The following SMIM31 variants were observed in gnomAD, a reference collection of about 807,000 sequenced individuals.
The protein encoded by SMIM31 is human epithelial cell program regulator.
At chr4:164,771,112 C>T (rs150564335) in intron 2 of SMIM31, among the ~76,000 whole-genome samples, 240 of 152,226 alleles carry the variant, frequency 1.6e-3, no homozygotes, top group Non-Finnish European at 2.6e-3. Flanking sequence ...AGCTTATCCC[C>T]AATCCCATCA....
chr4:164,758,126 T>C (rs1157003254), intron 1 of SMIM31, among the ~76,000 whole-genome samples: 1 of 152,138 alleles, frequency 6.6e-6, no homozygotes, highest in African/African-American at 2.4e-5. Flanking sequence ...TGTTAATTTA[T>C]TTTTAAATTG....
chr4:164,780,197 GC>G (rs1259447578), intron 2 of SMIM31, among the ~76,000 whole-genome samples: 1 of 152,194 alleles, frequency 6.6e-6, no homozygotes, highest in African/African-American at 2.4e-5. Context: ...GGAGGCCAAG[GC>G]GGGTGGATCA....
chr4:164,760,868 A>G (rs969689123), intron 1 of SMIM31, among the ~76,000 whole-genome samples: 3 of 152,064 alleles, frequency 2.0e-5, no homozygotes, highest in African/African-American at 7.2e-5. Context: ...AGAAACATGG[A>G]GCTACTGTCA....
chr4:164,759,675 C>T (rs1732619508), intron 1 of SMIM31, among the ~76,000 whole-genome samples: 1 of 152,112 alleles, frequency 6.6e-6, no homozygotes, highest in Non-Finnish European at 1.5e-5. Context: ...TTCATTCATT[C>T]ATTCACTGAA....
chr4:164,794,290 G>C (rs1733158054), intron 2 of SMIM31, among the ~76,000 whole-genome samples: 1 of 152,008 alleles, frequency 6.6e-6, no homozygotes, highest in Non-Finnish European at 1.5e-5. Flanking sequence ...GAAGTGGGAG[G>C]ATCACTTCAG....
chr4:164,757,854 T>A (rs1187416028), intron 1 of SMIM31, among the ~76,000 whole-genome samples: 1 of 152,144 alleles, frequency 6.6e-6, no homozygotes, highest in African/African-American at 2.4e-5. Context: ...GTAGTATGAG[T>A]CCTCCTACTT....
chr4:164,797,193 T>G (rs146124954), intron 2 of SMIM31, among the ~76,000 whole-genome samples: 166 of 152,336 alleles, frequency 1.1e-3, no homozygotes, highest in African/African-American at 3.8e-3. Flanking sequence ...ATCTCCTCTT[T>G]ACCTCAGTAT....
At chr4:164,781,355 C>T (rs974000816) in intron 2 of SMIM31, among the ~76,000 whole-genome samples, 4 of 152,148 alleles carry the variant, frequency 2.6e-5, no homozygotes, top group Non-Finnish European at 4.4e-5. Flanking sequence ...ATGTTTATAC[C>T]ATTATTCACA....
chr4:164,762,202 T>A (rs114573819), intron 1 of SMIM31, among the ~76,000 whole-genome samples: 2,698 of 150,276 alleles, frequency 0.018, 33 homozygotes, highest in Non-Finnish European at 0.029. Flanking sequence ...GGACTATAAA[T>A]ATATCTTCCT....
chr4:164,779,886 A>G (rs1222768207), intron 2 of SMIM31, among the ~76,000 whole-genome samples: 3 of 152,214 alleles, frequency 2.0e-5, no homozygotes, highest in African/African-American at 4.8e-5. Context: ...AGAACAGGCA[A>G]CAAACTGGTT....
chr4:164,779,993 G>A (rs1732926610), intron 2 of SMIM31, among the ~76,000 whole-genome samples: 1 of 152,156 alleles, frequency 6.6e-6, no homozygotes, highest in African/African-American at 2.4e-5. Context: ...GCTCTGTTGT[G>A]TCCCGGTGCT....
At chr4:164,783,586 C>CTAAATGTCTGCCAAT (rs1480867323) in intron 2 of SMIM31, among the ~76,000 whole-genome samples, 1 of 95,644 alleles carries the variant, frequency 1.0e-5, no homozygotes, top group Admixed American at 8.8e-5. Context: ...AATGAAATTT[C>CTAAATGTCTGCCAAT]AGAAAACAGT....
chr4:164,762,763 C>T (rs1732669501), intron 1 of SMIM31, among the ~76,000 whole-genome samples: 1 of 151,460 alleles, frequency 6.6e-6, no homozygotes, highest in African/African-American at 2.4e-5. Flanking sequence ...ATGTACAGAA[C>T]ACTTGCTTAT....
chr4:164,771,213 G>C (rs957105216), intron 2 of SMIM31, among the ~76,000 whole-genome samples: 2 of 152,172 alleles, frequency 1.3e-5, no homozygotes, highest in African/African-American at 4.8e-5. Flanking sequence ...GAAACAAAAA[G>C]CCGCAGTAAA....
intron 1 of SMIM31, among the ~76,000 whole-genome samples, chr4:164,757,455 T>A (rs1196697936): frequency 2.0e-5 from 3 of 152,182 alleles, no homozygotes; most frequent in African/African-American, 4.8e-5. Flanking sequence ...GTTTGGCTAT[T>A]AATTTCCATG....
chr4:164,795,224 G>T lies in SMIM31; in HGVS notation c.113-5867G>T, dbSNP rs1260497389. 7.9e-5 allele frequency among the ~76,000 whole-genome samples: 12 copies of T among 152,210 alleles called. No individual in the cohort carries two copies. The East Asian group carries it at 2.3e-3, about 29-fold the overall frequency. On this transcript the variant is annotated intron_variant, in intron 2 of 2. Coordinates refer to ENST00000507311, the MANE Select transcript of SMIM31 (RefSeq NM_001352885.1). ...GGATAAATTAGCTTAATATCACTGA[G>T]CCTCAGTTTTGTCCACCTATAACAA...
At chr4:164,794,959 C>T (rs1276104088) in intron 2 of SMIM31, among the ~76,000 whole-genome samples, 4 of 151,752 alleles carry the variant, frequency 2.6e-5, no homozygotes, top group African/African-American at 9.7e-5. Flanking sequence ...TGCCTCTTAA[C>T]ATGAACTCTA....
chr4:164,782,536 G>A (rs1308519620), intron 2 of SMIM31, among the ~76,000 whole-genome samples: 3 of 148,550 alleles, frequency 2.0e-5, no homozygotes, highest in African/African-American at 7.7e-5. Context: ...CCCCCACCAC[G>A]CCCGGCTAAT....
chr4:164,798,276 C>T (rs1310100413), intron 2 of SMIM31, among the ~76,000 whole-genome samples: 8 of 151,430 alleles, frequency 5.3e-5, no homozygotes, highest in Admixed American at 5.3e-4. Flanking sequence ...CTCTGTCGCC[C>T]AGTCTGGAGT....
Sources: gnomAD v4.1 joint callset for allele counts (sites outside exome capture counted in the v4.1 genomes callset) on GRCh38, gnomAD v4.1.1 for gene constraint, MANE v1.5 for transcripts, NCBI Gene and HGNC (gene_info 2026-07-23, HGNC 2026-07-21) for gene names.